ST6GALNAC3: variants seen among roughly 807,000 people sequenced by gnomAD.
The protein encoded by ST6GALNAC3 is ST6 N-acetylgalactosaminide alpha-2,6-sialyltransferase 3.
ST6GALNAC3 carries 25 observed loss-of-function variants against 32.7 expected under a neutral mutation model. That is an observed-to-expected ratio of 0.76 (90% CI 0.56 to 1.07). The LOEUF (loss-of-function observed/expected upper bound fraction) is 1.07, where lower values mean the gene tolerates loss of function less well. ST6GALNAC3 is among the 50% of genes least tolerant of loss of function. The pLI is 0.00. For missense variants in ST6GALNAC3, 355 were observed against 382.4 expected, an observed-to-expected ratio of 0.93 and a Z score of 0.60; for synonymous variants, 129 against 133.1, an observed-to-expected ratio of 0.97 and a Z score of 0.21.
At chr1:76,205,692 A>G (rs1234661218) in intron 1 of ST6GALNAC3, among the ~76,000 whole-genome samples, 1 of 152,188 alleles carries the variant, frequency 6.6e-6, no homozygotes, top group Non-Finnish European at 1.5e-5. Flanking sequence ...GCAAGTGCAT[A>G]TATTTTTCCT....
chr1:76,529,881 T>C (rs1663146308), intron 3 of ST6GALNAC3, among the ~76,000 whole-genome samples: 1 of 152,200 alleles, frequency 6.6e-6, no homozygotes, highest in Non-Finnish European at 1.5e-5. Flanking sequence ...TAGTACCTAC[T>C]TCATAGCTCA....
At chr1:76,156,953 A>G (rs7526081) in intron 1 of ST6GALNAC3, among the ~76,000 whole-genome samples, 3,775 of 152,152 alleles carry the variant, frequency 0.025, 74 homozygotes, top group Middle Eastern at 0.062. Flanking sequence ...GGATGGTCTC[A>G]ATCTTCTGAC....
chr1:76,613,502 G>C (rs1431977043), intron 3 of ST6GALNAC3, among the ~76,000 whole-genome samples: 1 of 152,214 alleles, frequency 6.6e-6, no homozygotes. Flanking sequence ...TGTAAATGAT[G>C]ACATGGCTGT....
At chr1:76,292,392 T>A (rs1453852751) in intron 1 of ST6GALNAC3, among the ~76,000 whole-genome samples, 3 of 152,246 alleles carry the variant, frequency 2.0e-5, no homozygotes. Context: ...ACAAGGGCAG[T>A]CCTTCGCAGA....
chr1:76,487,010 T>G (rs551518833), intron 3 of ST6GALNAC3, among the ~76,000 whole-genome samples: 7 of 152,324 alleles, frequency 4.6e-5, no homozygotes, highest in African/African-American at 1.7e-4. Flanking sequence ...GATATGAAAT[T>G]CTGGATTGAA....
intron 2 of ST6GALNAC3, among the ~76,000 whole-genome samples, chr1:76,340,471 G>C (rs190984462): frequency 6.6e-6 from 1 of 152,090 alleles, no homozygotes; most frequent in Non-Finnish European, 1.5e-5. Context: ...TTTCTGTCAT[G>C]GGGGCATACA....
chr1:76,089,149 T>C (rs12732074), intron 1 of ST6GALNAC3, among the ~76,000 whole-genome samples: 20,685 of 152,144 alleles, frequency 0.14, 1,596 homozygotes, highest in African/African-American at 0.19. Context: ...CTGCCTCAGC[T>C]TCCCAAGTAG....
At chr1:76,567,542 A>T (rs1665625123) in intron 3 of ST6GALNAC3, among the ~76,000 whole-genome samples, 1 of 152,220 alleles carries the variant, frequency 6.6e-6, no homozygotes, top group Admixed American at 6.5e-5. Context: ...TAAAACATTG[A>T]AAAGCTCCAC....
At chr1:76,462,059 C>T (rs1571309085) in intron 3 of ST6GALNAC3, among the ~76,000 whole-genome samples, 1 of 151,994 alleles carries the variant, frequency 6.6e-6, no homozygotes, top group Admixed American at 6.6e-5. Flanking sequence ...GCACCCTGTA[C>T]GTGCTTCTTC....
chr1:76,479,654 C>T (rs12075814), intron 3 of ST6GALNAC3, among the ~76,000 whole-genome samples: 27,134 of 152,016 alleles, frequency 0.18, 3,008 homozygotes, highest in African/African-American at 0.31. Context: ...TCCCTAGCAA[C>T]GGTATTAATC....
intron 1 of ST6GALNAC3, among the ~76,000 whole-genome samples, chr1:76,238,092 G>A (rs1342745939): frequency 6.6e-6 from 1 of 152,224 alleles, no homozygotes; most frequent in Non-Finnish European, 1.5e-5. Flanking sequence ...AGGGCCCCCA[G>A]GAGCCTGTCC....
intron 3 of ST6GALNAC3, among the ~76,000 whole-genome samples, chr1:76,622,428 G>A (rs1282291450): frequency 6.6e-6 from 1 of 151,920 alleles, no homozygotes; most frequent in Non-Finnish European, 1.5e-5. Flanking sequence ...AAAATCAGGG[G>A]ACTGTGAATG....
intron 2 of ST6GALNAC3, among the ~76,000 whole-genome samples, chr1:76,398,098 G>C (rs984965263): frequency 1.3e-5 from 2 of 152,048 alleles, no homozygotes; most frequent in African/African-American, 4.8e-5. Flanking sequence ...AATATGTCTA[G>C]TTAAGAGCTT....
chr1:76,365,007 A>T (rs1650257429), intron 2 of ST6GALNAC3, among the ~76,000 whole-genome samples: 1 of 152,150 alleles, frequency 6.6e-6, no homozygotes, highest in Non-Finnish European at 1.5e-5. Flanking sequence ...AATTATATTT[A>T]AAAAACACCT....
intron 1 of ST6GALNAC3, among the ~76,000 whole-genome samples, chr1:76,184,968 T>C (rs1459603357): frequency 2.0e-5 from 3 of 152,226 alleles, no homozygotes; most frequent in Non-Finnish European, 4.4e-5. Context: ...GAGCAGCAGG[T>C]ACCACTCTGA....
chr1:76,224,675 A>G (rs906830406), intron 1 of ST6GALNAC3, among the ~76,000 whole-genome samples: 3 of 152,342 alleles, frequency 2.0e-5, no homozygotes, highest in Admixed American at 6.5e-5. Context: ...TTTGGTAGTT[A>G]TAAGCTTCTC....
At chr1:76,425,053 T>C (rs1234626930) in intron 3 of ST6GALNAC3, among the ~76,000 whole-genome samples, 1 of 152,006 alleles carries the variant, frequency 6.6e-6, no homozygotes, top group Non-Finnish European at 1.5e-5. Flanking sequence ...ATCACCCCGA[T>C]GAAAATAACA....
chr1:76,194,947 T>A (rs1438022754), intron 1 of ST6GALNAC3, among the ~76,000 whole-genome samples: 1 of 152,246 alleles, frequency 6.6e-6, no homozygotes, highest in East Asian at 1.9e-4. Context: ...CTTGCATTGG[T>A]CATTTGAAAA....
chr1:76,556,311 G>A (rs570737196), intron 3 of ST6GALNAC3, among the ~76,000 whole-genome samples: 19 of 151,940 alleles, frequency 1.3e-4, no homozygotes, highest in African/African-American at 4.1e-4. Flanking sequence ...TCACTTTTTG[G>A]CCATTATGAA....
Sources: allele counts gnomAD v4.1 joint callset (sites outside exome capture counted in the v4.1 genomes callset), GRCh38; gene constraint gnomAD v4.1.1; transcripts MANE v1.5; gene names NCBI Gene and HGNC (gene_info 2026-07-23, HGNC 2026-07-21).